ADAM11: variants seen among roughly 807,000 people sequenced by gnomAD.
The protein encoded by ADAM11 is disintegrin and metalloproteinase domain-containing protein 11.
A neutral mutation model predicts 119.1 loss-of-function variants in ADAM11; 49 were observed. The observed-to-expected ratio is 0.41, with a 90% CI of 0.33 to 0.52. The LOEUF (loss-of-function observed/expected upper bound fraction) is 0.52. Ranked by LOEUF, ADAM11 falls within the 20% of genes least tolerant of loss-of-function variation. ADAM11 has a pLI of 0.20. For synonymous variants in ADAM11, 364 were observed against 408.0 expected, an observed-to-expected ratio of 0.89 and a Z score of 1.30; for missense variants, 777 against 1,047.5, an observed-to-expected ratio of 0.74 and a Z score of 3.56.
At position 44,779,747 on chromosome 17, in the gene ADAM11, G is replaced by A. The variant is rs768188510; in HGVS notation, c.2303G>A (p.Gly768Glu). The A allele has an allele frequency of 6.9e-6, 11 of 1,603,116 alleles. No homozygotes were observed. The highest frequency in any genetic ancestry group is 9.3e-6 in the Non-Finnish European group (11 of 1,177,138). Residue 768 changes from glycine to glutamate, a missense_variant, in exon 27 of 27, where the codon GGG (glycine) becomes GAG (glutamate). Around this residue, in one of 4 missense-constraint regions of ADAM11, gnomAD observed 348 missense variants for 486.7 expected, o/e 0.72. Coordinates refer to ENST00000200557, the MANE Select transcript of ADAM11 (RefSeq NM_002390.6). ...CCCCCTCTCCGTTCCAGGTCCGGAG[G>A]GGCCTAAGTGCCACCCTCCTCCCTC... ...FKNIRRGRSGGA is the reference protein window; with the variant it reads ...FKNIRRGRSGEA
chr17:44,780,303 G>A lies in ADAM11; in HGVS notation c.*549G>A. ...CCCGGAGAAACTGAGGTATGGCCAT[G>A]CCCTAGACCCTCCCCAAGGATGACC... On this transcript the variant is annotated 3_prime_UTR_variant, in exon 27 of 27. Coordinates refer to ENST00000200557, the MANE Select transcript of ADAM11 (RefSeq NM_002390.6). 1 of 379,474 alleles carries A rather than the reference G, an allele frequency of 2.6e-6. No individual in the cohort carries two copies. The highest frequency in any genetic ancestry group is 7.3e-5 in the East Asian group (1 of 13,614). 23.5% of individuals were successfully genotyped at this position (379,474 alleles called of 1,614,324 possible). A position where few individuals can be genotyped will look rare whatever the true frequency, so the allele number is the denominator to read the frequency against.
In ADAM11 at chr17:44,772,956, C is replaced by G. The variant is rs369629338; in HGVS notation, c.753+25C>G. 6.2e-7 allele frequency: 1 copy of G among 1,613,940 alleles called. No homozygotes were observed. The highest frequency in any genetic ancestry group is 1.3e-5 in the African/African-American group (1 of 74,926). ...GGTGAGTGCCAGGGCAGGGACAGGG[C>G]GTGACACTGGGAGGCCCCTGAGGAG... is the stretch of plus-strand genomic sequence containing the variant. On this transcript the variant is annotated intron_variant, in intron 9 of 26. Coordinates refer to ENST00000200557, the MANE Select transcript of ADAM11 (RefSeq NM_002390.6). This position sits in a 1 kb window ranked among gnomAD's most constrained non-coding sequence, Gnocchi z 4.5.
chr17:44,774,452 G>C (rs1183028312), intron 12 of ADAM11, 40 bp from the exon 13 acceptor site: 1 of 1,604,440 alleles, frequency 6.2e-7, no homozygotes, highest in Admixed American at 1.7e-5. Context: ...GTGCCTGTTG[G>C]AAGATGTAGA....
chr17:44,774,479 TC>T lies in ADAM11; in HGVS notation c.1078-9del, dbSNP rs1051399088. ...AGATGTAGACATCTGTGCCCCATCT[TC>T]CCCACCCCCAGTACGGCAACATGGG... is the stretch of plus-strand genomic sequence containing the variant. On this transcript the variant is annotated splice_polypyrimidine_tract_variant and intron_variant, in intron 12 of 26. Coordinates refer to ENST00000200557, the MANE Select transcript of ADAM11 (RefSeq NM_002390.6). 5 of 1,611,774 alleles carry T rather than the reference TC, an allele frequency of 3.1e-6. No homozygotes were observed. The African/African-American group carries it at 6.7e-5, about 22-fold the overall frequency.
intron 26 of ADAM11, 72 bp from the exon 27 acceptor site, chr17:44,779,667 C>T (rs2049664635): frequency 2.6e-6 from 4 of 1,546,868 alleles, no homozygotes; most frequent in Middle Eastern, 2.0e-4. Flanking sequence ...CACTGAGCTC[C>T]GGGGCCCTGC....
chr17:44,772,283 T>C lies in ADAM11; in HGVS notation c.560T>C (p.Leu187Pro). ...TCATTGCAGGGACCCCTTCCCCACCTCATTTACCGGACCCCTCTCCTCCCA... is the reference window on the plus strand; with the variant it reads ...TCATTGCAGGGACCCCTTCCCCACCCCATTTACCGGACCCCTCTCCTCCCA... ...WGAPQGPLPH[L>P]IYRTPLLPDP... The change falls in exon 7 of 27, where the codon CTC becomes CCC. Residue 187 changes from leucine (L) to proline (P), a missense_variant. By Grantham distance (98) the Leu-to-Pro change is moderately conservative. Transcript: ENST00000200557. The surrounding 1 kb of genome is among the most constrained non-coding windows in gnomAD (Gnocchi z 4.5). 1 of 1,590,688 alleles carries C rather than the reference T, an allele frequency of 6.3e-7. No individual in the cohort carries two copies.
intron 25 of ADAM11, among the ~76,000 whole-genome samples, 192 bp downstream of exon 25, chr17:44,778,434 G>A (rs968182390): frequency 3.3e-5 from 5 of 152,160 alleles, no homozygotes; most frequent in African/African-American, 1.2e-4. Context: ...GCTCACGCCT[G>A]TAATCCCAGC....
At chr17:44,763,721 CT>C (rs879511711) in intron 2 of ADAM11, among the ~76,000 whole-genome samples, 641 of 143,764 alleles carry the variant, frequency 4.5e-3, no homozygotes, top group Non-Finnish European at 4.6e-3. Flanking sequence ...TGTTTTCTTT[CT>C]TTTTTTTTTT....
At chr17:44,762,406 T>C (rs2049399993) in intron 2 of ADAM11, among the ~76,000 whole-genome samples, 1 of 152,162 alleles carries the variant, frequency 6.6e-6, no homozygotes, top group Non-Finnish European at 1.5e-5. Flanking sequence ...CATTTCTCCC[T>C]GGGGTTAGAG....
rs1324424529 is a variant in ADAM11 at position 44,775,716 on chromosome 17, A to C, written c.1485+40A>C. On this transcript the variant is annotated intron_variant, in intron 17 of 26. Transcript: ENST00000200557. This position sits in a 1 kb window ranked among gnomAD's most constrained non-coding sequence, Gnocchi z 7.5. Reference sequence around the variant, plus strand: ...CCGGGAGGCGGGGCCAGGACGCAGGAGGAGCGATTGGAGGCCTTCATATAA... The same window carrying C: ...CCGGGAGGCGGGGCCAGGACGCAGGCGGAGCGATTGGAGGCCTTCATATAA... 2.0e-6 allele frequency: 3 copies of C among 1,537,370 alleles called. No homozygotes were observed. The highest frequency in any genetic ancestry group is 1.9e-5 in the Admixed American group (1 of 51,562).
In ADAM11 at chr17:44,772,235, G is replaced by A; in HGVS notation, c.544-32G>A. ...AGTGGGCCTGGAGCAGGCCCAGTTG[G>A]CACCCCAAGAACTAATTTCCCCTCA... On this transcript the variant is annotated intron_variant, in intron 6 of 26. Coordinates refer to ENST00000200557, the MANE Select transcript of ADAM11 (RefSeq NM_002390.6). This position sits in a 1 kb window ranked among gnomAD's most constrained non-coding sequence, Gnocchi z 4.5. 6.3e-7 allele frequency: 1 copy of A among 1,587,648 alleles called. No individual in the cohort carries two copies. The highest frequency in any genetic ancestry group is 8.6e-7 in the Non-Finnish European group (1 of 1,163,732).
chr17:44,777,215 G>T lies in ADAM11; in HGVS notation c.1731G>T (p.Glu577Asp), dbSNP rs746399526. The change falls in exon 21 of 27, where the codon GAG becomes GAT. Residue 577 changes from glutamate (E) to aspartate (D), a missense_variant. Physicochemically the swap from Glu to Asp is conservative, Grantham distance 45. This residue lies in a region of ADAM11 where 348 missense variants were observed against 486.7 expected (regional missense o/e 0.72). Coordinates refer to ENST00000200557, the MANE Select transcript of ADAM11 (RefSeq NM_002390.6). This position sits in a 1 kb window ranked among gnomAD's most constrained non-coding sequence, Gnocchi z 5.1. ...CYEKLNVEGT[E>D]RGSCGRKGSG... ...AGAAGCTGAATGTGGAGGGGACGGAGCGTGGGAGCTGTGGGCGCAAGGGAT... is the reference window on the plus strand; with the variant it reads ...AGAAGCTGAATGTGGAGGGGACGGATCGTGGGAGCTGTGGGCGCAAGGGAT... The T allele has an allele frequency of 1.1e-5, 17 of 1,609,090 alleles. No individual in the cohort carries two copies. Among genetic ancestry groups the T allele is most frequent in the Non-Finnish European group, 1.4e-5 (17 of 1,179,562 alleles).
At position 44,772,529 on chromosome 17, in the gene ADAM11, G is replaced by A. The variant is rs577744545; in HGVS notation, c.678+63G>A. 7.9e-5 allele frequency: 120 copies of A among 1,528,642 alleles called. No individual in the cohort carries two copies. Among genetic ancestry groups the A allele is most frequent in the Admixed American group, 2.6e-4 (13 of 50,266 alleles). The allele number at this position is 1,528,642 out of a possible 1,614,324, so 94.7% of individuals were successfully genotyped here. Reference sequence around the variant, plus strand: ...TCGGGCTGCAGAGAGACCTCAGGCCGTGGCCCAGAGCAGGAGGGCACCCTC... The same window carrying A: ...TCGGGCTGCAGAGAGACCTCAGGCCATGGCCCAGAGCAGGAGGGCACCCTC... On this transcript the variant is annotated intron_variant, in intron 8 of 26. Coordinates refer to ENST00000200557, the MANE Select transcript of ADAM11 (RefSeq NM_002390.6). This position sits in a 1 kb window ranked among gnomAD's most constrained non-coding sequence, Gnocchi z 4.5.
Position 44,772,549 on chromosome 17 carries a change from A to AC in ADAM11, c.678+86dup. The AC allele has an allele frequency of 6.8e-7, 1 of 1,477,620 alleles. No individual in the cohort carries two copies. The highest frequency in any genetic ancestry group is 1.4e-5 in the African/African-American group (1 of 71,254). The allele number at this position is 1,477,620 out of a possible 1,614,324, so 91.5% of individuals were successfully genotyped here. A position where few individuals can be genotyped will look rare whatever the true frequency, so the allele number is the denominator to read the frequency against. ...AGGCCGTGGCCCAGAGCAGGAGGGC[A>AC]CCCTCATCTATGGCTGGGGCGAAGG... On this transcript the variant is annotated intron_variant, in intron 8 of 26. Coordinates refer to ENST00000200557, the MANE Select transcript of ADAM11 (RefSeq NM_002390.6). This position sits in a 1 kb window ranked among gnomAD's most constrained non-coding sequence, Gnocchi z 4.5.
At position 44,775,456 on chromosome 17, in the gene ADAM11, C is replaced by A; in HGVS notation, c.1383C>A (p.Gly461=). ...FVEAGEECDC[G]SVQECSRAGG... Reference sequence around the variant, plus strand: ...AGGCAGGGGAGGAGTGCGACTGCGGCTCGGTGCAGGTGAGCGGTGGTGCGG... The same window carrying A: ...AGGCAGGGGAGGAGTGCGACTGCGGATCGGTGCAGGTGAGCGGTGGTGCGG... Residue 461 remains glycine (G), a synonymous_variant, in exon 16 of 27, where the codon GGC becomes GGA. Coordinates refer to ENST00000200557, the MANE Select transcript of ADAM11 (RefSeq NM_002390.6). This position sits in a 1 kb window ranked among gnomAD's most constrained non-coding sequence, Gnocchi z 7.5. 2 of 1,607,824 alleles carry A rather than the reference C, an allele frequency of 1.2e-6. No homozygotes were observed. The highest frequency in any genetic ancestry group is 1.7e-6 in the Non-Finnish European group (2 of 1,179,232).
At chr17:44,765,635 T>TTTTTTTTTTTTTTTTTTTG (rs2049440738) in intron 2 of ADAM11, among the ~76,000 whole-genome samples, 1 of 115,518 alleles carries the variant, frequency 8.7e-6, no homozygotes, top group Non-Finnish European at 1.9e-5. Context: ...TTTTTTTTTG[T>TTTTTTTTTTTTTTTTTTTG]AGAGACAGAG....
intron 2 of ADAM11, among the ~76,000 whole-genome samples, chr17:44,765,427 T>G (rs1457698936): frequency 2.0e-5 from 3 of 152,168 alleles, no homozygotes; most frequent in East Asian, 1.9e-4. Context: ...AGGCTACCAT[T>G]CTGGCATGTC....
chr17:44,761,118 C>T (rs565035157), intron 2 of ADAM11, among the ~76,000 whole-genome samples: 3 of 152,102 alleles, frequency 2.0e-5, no homozygotes, highest in East Asian at 3.9e-4. Context: ...GTGTCCTGGC[C>T]GCTGAGTCTG....
chr17:44,767,353 T>TAA (rs1247791383), intron 2 of ADAM11, among the ~76,000 whole-genome samples: 1 of 62,962 alleles, frequency 1.6e-5, no homozygotes, highest in African/African-American at 7.1e-5. Context: ...AGACTCCATC[T>TAA]CAAAAAAAAA....
Sources: allele counts gnomAD v4.1 joint callset (sites outside exome capture counted in the v4.1 genomes callset), GRCh38; gene constraint gnomAD v4.1.1; regional missense constraint gnomAD v4.1.1; non-coding constraint Gnocchi (gnomAD v3.1); transcripts MANE v1.5; gene names NCBI Gene and HGNC (gene_info 2026-07-23, HGNC 2026-07-21).